The following PRKCE variants were observed in gnomAD, a reference collection of about 807,000 sequenced individuals.
PRKCE encodes the protein protein kinase C epsilon type.
In PRKCE, 16 loss-of-function variants were observed where a neutral mutation model predicts 85.4. That is an observed-to-expected ratio of 0.19 (90% CI 0.13 to 0.28). The LOEUF is 0.28. Among genes scored for constraint, PRKCE ranks in the 10% least tolerant of loss-of-function variants. The pLI is 1.00. For missense variants in PRKCE, 573 were observed against 975.2 expected (o/e 0.59, Z 5.49); for synonymous variants, 388 against 371.5 (o/e 1.04, Z -0.51).
At chr2:46,172,394 G>A (rs1394378384) in intron 14 of PRKCE, among the ~76,000 whole-genome samples, 1 of 152,204 alleles carries the variant, frequency 6.6e-6, no homozygotes, top group East Asian at 1.9e-4. Context: ...CCATGTGGCT[G>A]GAATGTATAC....
intron 2 of PRKCE, among the ~76,000 whole-genome samples, chr2:45,866,291 A>T (rs1014757405): frequency 2.0e-5 from 3 of 152,010 alleles, no homozygotes; most frequent in Admixed American, 6.5e-5. Context: ...TATTTATTTA[A>T]TTAATTAATT....
chr2:45,934,579 G>A (rs1699292094), intron 2 of PRKCE, among the ~76,000 whole-genome samples: 1 of 151,114 alleles, frequency 6.6e-6, no homozygotes, highest in Non-Finnish European at 1.5e-5. Flanking sequence ...AAGCCACAAG[G>A]CGGAGGCTGC....
chr2:45,955,067 ACTCCATCAC>A (rs1700877969), intron 2 of PRKCE, among the ~76,000 whole-genome samples: 2 of 49,012 alleles, frequency 4.1e-5, no homozygotes, highest in Non-Finnish European at 9.4e-5. Flanking sequence ...CAATATGAAC[ACTCCATCAC>A]GCACTCCATC....
intron 2 of PRKCE, among the ~76,000 whole-genome samples, chr2:45,958,264 C>T (rs1399752749): frequency 1.3e-5 from 2 of 149,124 alleles, no homozygotes; most frequent in Non-Finnish European, 3.0e-5. Context: ...AATCCCAGCA[C>T]TTTGGGAGGC....
chr2:45,823,509 T>A (rs1247745234), intron 1 of PRKCE, among the ~76,000 whole-genome samples: 1 of 152,226 alleles, frequency 6.6e-6, no homozygotes, highest in Non-Finnish European at 1.5e-5. Flanking sequence ...AAGTAAGTGG[T>A]GGATTTTCTT....
At chr2:46,036,743 T>C (rs1375100845) in intron 10 of PRKCE, among the ~76,000 whole-genome samples, 1 of 152,084 alleles carries the variant, frequency 6.6e-6, no homozygotes, top group African/African-American at 2.4e-5. Context: ...GGACTTGAGC[T>C]GATGAGAAGG....
At chr2:45,858,015 G>A (rs867679966) in intron 2 of PRKCE, among the ~76,000 whole-genome samples, 6 of 152,250 alleles carry the variant, frequency 3.9e-5, no homozygotes, top group African/African-American at 1.2e-4. Flanking sequence ...GAGCGTCCAC[G>A]TGTGGCCTGT....
intron 11 of PRKCE, among the ~76,000 whole-genome samples, chr2:46,119,321 T>A (rs1358625113): frequency 1.3e-5 from 2 of 152,158 alleles, no homozygotes; most frequent in Admixed American, 6.5e-5. Flanking sequence ...TTTTTCCCTT[T>A]CCTAAACTTT....
At chr2:45,720,092 C>G (rs570759665) in intron 1 of PRKCE, among the ~76,000 whole-genome samples, 1 of 152,232 alleles carries the variant, frequency 6.6e-6, no homozygotes, top group East Asian at 1.9e-4. Flanking sequence ...TTGGCTGCAT[C>G]CTTCTTCTCT....
intron 10 of PRKCE, among the ~76,000 whole-genome samples, chr2:46,027,832 T>C (rs1035063666): frequency 3.9e-5 from 6 of 152,136 alleles, no homozygotes; most frequent in Non-Finnish European, 7.3e-5. Context: ...CTATCCTCTT[T>C]CCAAGACCAA....
At chr2:45,709,116 T>C (rs1490348528) in intron 1 of PRKCE, among the ~76,000 whole-genome samples, 1 of 152,230 alleles carries the variant, frequency 6.6e-6, no homozygotes, top group Non-Finnish European at 1.5e-5. Flanking sequence ...TGCTCACACC[T>C]GGAGCTGCCT....
chr2:46,149,723 A>G (rs13430893), intron 12 of PRKCE, among the ~76,000 whole-genome samples: 1 of 12,664 alleles, frequency 7.9e-5, no homozygotes, highest in Non-Finnish European at 5.7e-4. Context: ...TTTTATATAT[A>G]TGTATTTATA....
At chr2:45,727,053 A>G (rs1573085614) in intron 1 of PRKCE, among the ~76,000 whole-genome samples, 1 of 152,198 alleles carries the variant, frequency 6.6e-6, no homozygotes, top group Admixed American at 6.5e-5. Flanking sequence ...GCCATTTGCT[A>G]AGCAAATTTT....
chr2:45,711,492 G>T (rs753923075), intron 1 of PRKCE, among the ~76,000 whole-genome samples: 1 of 152,206 alleles, frequency 6.6e-6, no homozygotes, highest in Non-Finnish European at 1.5e-5. Context: ...CAAGATCATT[G>T]CAATGATTAA....
rs547670762 is a variant in PRKCE, at chr2:45,815,995, T to C, written c.349-27005T>C. ...AAGCCAAGAGTGTTGATGGTACCTT[T>C]ATGGCGATTAATGCAAGACACATCC... On this transcript the variant is annotated intron_variant, in intron 1 of 14. Transcript: ENST00000306156. 3.9e-5 allele frequency among the ~76,000 whole-genome samples: 6 copies of C among 152,366 alleles called. No homozygotes were observed. In the East Asian group the frequency reaches 9.6e-4, roughly 24 times the overall value.
chr2:45,782,656 G>GT (rs930036379), intron 1 of PRKCE, among the ~76,000 whole-genome samples: 3 of 152,096 alleles, frequency 2.0e-5, no homozygotes, highest in Non-Finnish European at 2.9e-5. Context: ...AAAGATGGTT[G>GT]TTTTTTATGA....
chr2:45,832,140 A>G (rs7602563), intron 1 of PRKCE, among the ~76,000 whole-genome samples: 3 of 152,194 alleles, frequency 2.0e-5, no homozygotes, highest in Non-Finnish European at 1.5e-5. Context: ...TGATGCAGGA[A>G]TATTCCCCGG....
At chr2:45,854,460 A>T (rs1692521945) in intron 2 of PRKCE, among the ~76,000 whole-genome samples, 1 of 152,198 alleles carries the variant, frequency 6.6e-6, no homozygotes, top group African/African-American at 2.4e-5. Flanking sequence ...CTGAATTAGC[A>T]TTAGGTGGCA....
At chr2:46,040,286 C>G (rs1330869089) in intron 10 of PRKCE, among the ~76,000 whole-genome samples, 3 of 152,098 alleles carry the variant, frequency 2.0e-5, no homozygotes, top group Non-Finnish European at 2.9e-5. Flanking sequence ...AGAGGATCCA[C>G]ACAAAAGAGG....
Sources: gnomAD v4.1 joint callset for allele counts (sites outside exome capture counted in the v4.1 genomes callset) on GRCh38, gnomAD v4.1.1 for gene constraint, MANE v1.5 for transcripts, NCBI Gene and HGNC (gene_info 2026-07-23, HGNC 2026-07-21) for gene names.